CLIC5: variants seen among roughly 807,000 people sequenced by gnomAD.
CLIC5 encodes CLIC family member 5.
A neutral mutation model predicts 24.7 loss-of-function variants in CLIC5; 20 were observed. That is an observed-to-expected ratio of 0.81 (90% CI 0.57 to 1.18). The LOEUF is 1.18. Among genes scored for constraint, CLIC5 ranks in the 50% most tolerant of loss-of-function variants. The pLI, the probability that CLIC5 is intolerant of heterozygous loss-of-function variation, is 0.00. For missense variants in CLIC5, 341 were observed against 326.1 expected, an observed-to-expected ratio of 1.05 and a Z score of -0.35; for synonymous variants, 159 against 135.6, an observed-to-expected ratio of 1.17 and a Z score of -1.20.
At chr6:45,903,510 T>A (rs1255098597) in intron 5 of CLIC5, among the ~76,000 whole-genome samples, 3 of 152,218 alleles carry the variant, frequency 2.0e-5, no homozygotes, top group Non-Finnish European at 2.9e-5. Context: ...CAGGAAATAA[T>A]CATGGATGGA....
chr6:46,023,121 T>C (rs1056070498), intron 1 of CLIC5, among the ~76,000 whole-genome samples: 3 of 152,200 alleles, frequency 2.0e-5, no homozygotes, highest in Non-Finnish European at 4.4e-5. Flanking sequence ...GTCTCCTCCA[T>C]CTGGGATTTT....
chr6:45,970,334 A>G (rs988035422), intron 1 of CLIC5, among the ~76,000 whole-genome samples: 14 of 152,148 alleles, frequency 9.2e-5, no homozygotes, highest in African/African-American at 3.1e-4. Flanking sequence ...TTTTTGTGTC[A>G]AGAAGACCCA....
chr6:46,052,862 T>A (rs1168358636), intron 1 of CLIC5, among the ~76,000 whole-genome samples: 4 of 151,952 alleles, frequency 2.6e-5, no homozygotes, highest in Non-Finnish European at 5.9e-5. Flanking sequence ...CTTTCTGGCA[T>A]CTGGAGATCC....
intron 1 of CLIC5, among the ~76,000 whole-genome samples, chr6:46,068,940 T>G (rs987262527): frequency 2.6e-5 from 4 of 152,156 alleles, no homozygotes; most frequent in Non-Finnish European, 5.9e-5. Context: ...GCAGAAGTCC[T>G]GGCAAACTAA....
chr6:45,936,460 C>A (rs1014354795), intron 4 of CLIC5, among the ~76,000 whole-genome samples: 13 of 152,188 alleles, frequency 8.5e-5, no homozygotes, highest in African/African-American at 3.1e-4. Context: ...CTGCCTTGGC[C>A]TCCCAAAGTG....
At chr6:45,943,347 G>A (rs898395503) in intron 3 of CLIC5, among the ~76,000 whole-genome samples, 6 of 151,774 alleles carry the variant, frequency 4.0e-5, no homozygotes, top group African/African-American at 1.2e-4. Context: ...TCCATCAGGA[G>A]GGGGTGCTTT....
At chr6:46,082,800 CT>C (rs140436449), upstream of CLIC5, among the ~76,000 whole-genome samples, 20,975 of 152,148 alleles carry the variant, frequency 0.14, 1,874 homozygotes, top group South Asian at 0.33. Context: ...CCTTACCCTA[CT>C]TTCCCCCCCT....
chr6:45,896,469 C>T (rs1294197288), downstream of CLIC5, among the ~76,000 whole-genome samples: 2 of 152,220 alleles, frequency 1.3e-5, no homozygotes, highest in Admixed American at 6.5e-5. Context: ...AATGATGGAC[C>T]TAAGAGTCAA....
the CLIC5 span, among the ~76,000 whole-genome samples, chr6:46,108,668 G>T: frequency 1.3e-5 from 2 of 152,112 alleles, no homozygotes; most frequent in African/African-American, 4.8e-5. Context: ...AAAGTGCTGA[G>T]ATTACAGGTG....
intron 1 of CLIC5, chr6:46,014,385 C>T (rs1027992274): frequency 6.6e-6 from 1 of 152,148 alleles, no homozygotes; most frequent in Admixed American, 6.5e-5. Flanking sequence ...TTCCCAATTC[C>T]AGGGAATATT....
In CLIC5 at chr6:45,900,674, C is replaced by T. The variant is rs556330145; in HGVS notation, c.*2414G>A. ...CCAGTGCTGAAATATAAAGAAATTTCTGAATTAAGTACCCAGAAGTGCCTT... is the reference window on the plus strand; with the variant it reads ...CCAGTGCTGAAATATAAAGAAATTTTTGAATTAAGTACCCAGAAGTGCCTT... On this transcript the variant is annotated 3_prime_UTR_variant, in exon 6 of 6. Coordinates refer to ENST00000339561, the MANE Select transcript of CLIC5 (RefSeq NM_016929.5). The T allele has an allele frequency of 7.3e-4, 111 of 152,198 alleles. No individual in the cohort carries two copies. The highest frequency in any genetic ancestry group is 2.6e-3 in the African/African-American group (107 of 41,506). The allele number at this position is 152,198 out of a possible 1,614,324, so 9.4% of individuals were successfully genotyped here.
At chr6:46,034,886 G>A (rs1767618553) in intron 1 of CLIC5, among the ~76,000 whole-genome samples, 1 of 152,158 alleles carries the variant, frequency 6.6e-6, no homozygotes, top group South Asian at 2.1e-4. Context: ...GACTACTAAG[G>A]TTCGGAGAAG....
chr6:46,107,167 CT>C, the CLIC5 span, among the ~76,000 whole-genome samples: 22 of 148,986 alleles, frequency 1.5e-4, no homozygotes, highest in East Asian at 7.8e-4. Context: ...TTAATTTAGA[CT>C]TTTTTTTTTG....
At chr6:45,958,417 G>A (rs1764716755) in intron 1 of CLIC5, among the ~76,000 whole-genome samples, 1 of 16,138 alleles carries the variant, frequency 6.2e-5, no homozygotes, top group Non-Finnish European at 1.5e-4. Context: ...GTGTCAAAAA[G>A]ACAATTATAT....
intron 3 of CLIC5, among the ~76,000 whole-genome samples, chr6:45,943,777 G>A (rs972177669): frequency 3.3e-5 from 5 of 152,138 alleles, no homozygotes; most frequent in African/African-American, 4.8e-5. Context: ...ACAGAGGATC[G>A]TGTATTCAGG....
chr6:46,046,944 A>G (rs532010333), intron 1 of CLIC5, among the ~76,000 whole-genome samples: 1 of 152,342 alleles, frequency 6.6e-6, no homozygotes, highest in East Asian at 1.9e-4. Flanking sequence ...ACCTAACGCA[A>G]GGATGATTTA....
intron 1 of CLIC5, among the ~76,000 whole-genome samples, chr6:46,075,993 G>C (rs1311048009): frequency 6.6e-6 from 1 of 152,102 alleles, no homozygotes; most frequent in African/African-American, 2.4e-5. Flanking sequence ...TCACAGTAAC[G>C]CACCCTCATC....
At chr6:46,035,219 T>C (rs1371226033) in intron 1 of CLIC5, among the ~76,000 whole-genome samples, 1 of 152,212 alleles carries the variant, frequency 6.6e-6, no homozygotes, top group Non-Finnish European at 1.5e-5. Context: ...TTCCTGCCTC[T>C]GTATAGCCAC....
intron 5 of CLIC5, among the ~76,000 whole-genome samples, chr6:45,913,019 C>T (rs1433714675): frequency 2.6e-5 from 4 of 152,280 alleles, no homozygotes; most frequent in East Asian, 1.9e-4. Flanking sequence ...ATTTTTGACT[C>T]GGGACTTGAG....
Sources: allele counts gnomAD v4.1 joint callset (sites outside exome capture counted in the v4.1 genomes callset), GRCh38; gene constraint gnomAD v4.1.1; transcripts MANE v1.5; gene names NCBI Gene and HGNC (gene_info 2026-07-23, HGNC 2026-07-21).